The following THSD7A variants were observed in gnomAD, a reference collection of about 807,000 sequenced individuals.
THSD7A encodes thrombospondin type 1 domain containing 7A.
THSD7A carries 96 observed loss-of-function variants against 231.3 expected under a neutral mutation model. The observed-to-expected ratio is 0.41, with a 90% CI of 0.35 to 0.49. The LOEUF (loss-of-function observed/expected upper bound fraction) is 0.49. Ranked by LOEUF, THSD7A falls within the 20% of genes least tolerant of loss-of-function variation. The probability of loss-of-function intolerance (pLI) is 0.05; values close to 1 mark genes in which losing one functional copy is unlikely to be tolerated. For missense variants in THSD7A, 2,290 were observed against 2,070.2 expected (o/e 1.11, Z -2.06); for synonymous variants, 940 against 743.3 (o/e 1.26, Z -4.30).
chr7:11,392,050 G>A (rs1354915274), intron 23 of THSD7A, among the ~76,000 whole-genome samples: 1 of 151,968 alleles, frequency 6.6e-6, no homozygotes, highest in East Asian at 2.0e-4. Context: ...TGGCCATCTT[G>A]CCCAGAATCT....
chr7:11,605,205 T>C (rs957790470), intron 2 of THSD7A, among the ~76,000 whole-genome samples: 1 of 152,134 alleles, frequency 6.6e-6, no homozygotes, highest in Non-Finnish European at 1.5e-5. Flanking sequence ...TATATGTATC[T>C]ATCTATAGAT....
chr7:11,757,839 G>T (rs1782733688), intron 1 of THSD7A, among the ~76,000 whole-genome samples: 1 of 151,508 alleles, frequency 6.6e-6, no homozygotes, highest in African/African-American at 2.4e-5. Context: ...TCAAAGGCTA[G>T]TCAAGTGTTA....
At chr7:11,426,776 C>G (rs1181386821) in intron 14 of THSD7A, 105 bp from the exon 15 acceptor site, 5 of 1,270,666 alleles carry the variant, frequency 3.9e-6, no homozygotes, top group Non-Finnish European at 5.3e-6. Context: ...AGTATTATTA[C>G]TTACATGTAA....
chr7:11,663,814 CTA>C (rs1208310967), intron 1 of THSD7A, among the ~76,000 whole-genome samples: 4 of 151,486 alleles, frequency 2.6e-5, no homozygotes, highest in Non-Finnish European at 5.9e-5. Context: ...GGATATAAGA[CTA>C]TATATACAAG....
intron 2 of THSD7A, among the ~76,000 whole-genome samples, chr7:11,605,298 G>A (rs1446050968): frequency 1.3e-5 from 2 of 152,056 alleles, no homozygotes; most frequent in African/African-American, 4.8e-5. Flanking sequence ...CATTTTGGAT[G>A]TCACCATAGG....
intron 2 of THSD7A, among the ~76,000 whole-genome samples, chr7:11,594,723 G>A (rs974654449): frequency 6.6e-6 from 1 of 152,198 alleles, no homozygotes; most frequent in East Asian, 1.9e-4. Flanking sequence ...CAGATACTGA[G>A]CCTCAAATCT....
intron 1 of THSD7A, among the ~76,000 whole-genome samples, chr7:11,823,416 G>A (rs1784929620): frequency 6.6e-6 from 1 of 152,092 alleles, no homozygotes; most frequent in East Asian, 1.9e-4. Flanking sequence ...TTTTTGCTTA[G>A]GATTGCTCTG....
intron 14 of THSD7A, among the ~76,000 whole-genome samples, chr7:11,427,711 G>T (rs1784365507): frequency 1.3e-5 from 2 of 152,220 alleles, no homozygotes; most frequent in South Asian, 2.1e-4. Context: ...AATTTGTAGA[G>T]AAATATTCTT....
intron 1 of THSD7A, among the ~76,000 whole-genome samples, chr7:11,806,315 G>A (rs1487826192): frequency 6.6e-6 from 1 of 151,982 alleles, no homozygotes; most frequent in Non-Finnish European, 1.5e-5. Flanking sequence ...TTTTCAGGAA[G>A]AATAAAAATA....
chr7:11,379,126 G>A lies in THSD7A; in HGVS notation c.4745C>T (p.Pro1582Leu). The A allele has an allele frequency of 6.2e-7, 1 of 1,613,614 alleles. No individual in the cohort carries two copies. The highest frequency in any genetic ancestry group is 8.5e-7 in the Non-Finnish European group (1 of 1,179,690). ...TCCCCGTCCTGCTGGGTTACTGGAGGGTTGGGTTGGATGTACAGCCCGACT... is the reference window on the plus strand; with the variant it reads ...TCCCCGTCCTGCTGGGTTACTGGAGAGTTGGGTTGGATGTACAGCCCGACT... ...KTSRAVHPTQ[P>L]SSNPAGRGRT... is the part of the protein sequence containing the mutation. Residue 1582 changes from proline (P) to leucine (L), a missense_variant, in exon 26 of 28, where the codon CCC becomes CTC. Coordinates refer to ENST00000423059, the MANE Select transcript of THSD7A (RefSeq NM_015204.3).
At chr7:11,453,481 A>G (rs1281770762) in intron 11 of THSD7A, among the ~76,000 whole-genome samples, 1 of 151,968 alleles carries the variant, frequency 6.6e-6, no homozygotes, top group Non-Finnish European at 1.5e-5. Flanking sequence ...ATGCATCCAA[A>G]TTATGTTGGC....
At chr7:11,600,972 A>G (rs2128344360) in intron 2 of THSD7A, among the ~76,000 whole-genome samples, 1 of 152,314 alleles carries the variant, frequency 6.6e-6, no homozygotes, top group East Asian at 1.9e-4. Flanking sequence ...GAGGACCAAA[A>G]TCCCATTGCT....
At chr7:11,779,637 A>T (rs928809957) in intron 1 of THSD7A, among the ~76,000 whole-genome samples, 8 of 152,168 alleles carry the variant, frequency 5.3e-5, no homozygotes, top group Admixed American at 1.3e-4. Context: ...AAGTTTCCTT[A>T]TTCTTCACCC....
intron 6 of THSD7A, among the ~76,000 whole-genome samples, chr7:11,483,227 T>A (rs1484114489): frequency 6.6e-6 from 1 of 152,212 alleles, no homozygotes; most frequent in East Asian, 1.9e-4. Context: ...CCTTTATTCA[T>A]ATGCTTTAAA....
intron 22 of THSD7A, among the ~76,000 whole-genome samples, chr7:11,405,136 T>G (rs1161251961): frequency 6.9e-6 from 1 of 144,354 alleles, no homozygotes; most frequent in African/African-American, 2.6e-5. Context: ...CCCTACCATT[T>G]TTATCATCTC....
At chr7:11,601,448 C>T (rs1780549481) in intron 2 of THSD7A, among the ~76,000 whole-genome samples, 1 of 152,200 alleles carries the variant, frequency 6.6e-6, no homozygotes, top group Non-Finnish European at 1.5e-5. Flanking sequence ...TTGGGCTTCT[C>T]TGCATGTGGC....
chr7:11,417,719 A>G (rs1448617236), intron 16 of THSD7A, 116 bp from the exon 17 acceptor site: 27 of 1,053,042 alleles, frequency 2.6e-5, no homozygotes, highest in Non-Finnish European at 3.6e-5. Context: ...AGACATCGTT[A>G]TGGGGGTGGG....
intron 6 of THSD7A, among the ~76,000 whole-genome samples, chr7:11,492,581 T>C (rs532594725): frequency 2.2e-4 from 34 of 152,002 alleles, no homozygotes; most frequent in South Asian, 1.0e-3. Context: ...CTGATGGAGA[T>C]TGTGGATTGA....
At chr7:11,802,884 A>T (rs1389586305) in intron 1 of THSD7A, among the ~76,000 whole-genome samples, 2 of 152,170 alleles carry the variant, frequency 1.3e-5, no homozygotes, top group Non-Finnish European at 2.9e-5. Flanking sequence ...AACAATAATG[A>T]GAAAATCTAG....
Sources: gnomAD v4.1 joint callset for allele counts (sites outside exome capture counted in the v4.1 genomes callset) on GRCh38, gnomAD v4.1.1 for gene constraint, MANE v1.5 for transcripts, NCBI Gene and HGNC (gene_info 2026-07-23, HGNC 2026-07-21) for gene names.